GRB14: variants seen among roughly 807,000 people sequenced by gnomAD.
GRB14 encodes the protein growth factor receptor-bound protein 14.
GRB14 carries 38 observed loss-of-function variants against 69.1 expected under a neutral mutation model. That is an observed-to-expected ratio of 0.55 (90% CI 0.42 to 0.72). The LOEUF (loss-of-function observed/expected upper bound fraction) is 0.72, where lower values mean the gene tolerates loss of function less well. Ranked by LOEUF, GRB14 falls within the 30% of genes least tolerant of loss-of-function variation. The pLI is 0.00. For synonymous variants in GRB14, 247 were observed against 241.3 expected (o/e 1.02, Z -0.22); for missense variants, 666 against 666.1 (o/e 1.00, Z 0.00).
In GRB14 at chr2:164,519,694, A is replaced by G. The variant is rs1199333970; in HGVS notation, c.816+2286T>C. Among the ~76,000 whole-genome samples, 6 of 152,276 alleles carry G rather than the reference A, an allele frequency of 3.9e-5. No homozygotes were observed. The East Asian group carries it at 7.7e-4, about 20-fold the overall frequency. ...ACAAAATTAACATACAGAAATAAAT[A>G]GCTCTGTTATACACCAATAGTGACC... On this transcript the variant is annotated intron_variant, in intron 6 of 13. Transcript: ENST00000263915.
At chr2:164,536,701 A>G (rs1688087989) in intron 3 of GRB14, among the ~76,000 whole-genome samples, 1 of 152,252 alleles carries the variant, frequency 6.6e-6, no homozygotes, top group Non-Finnish European at 1.5e-5. Flanking sequence ...GAATAAAAGC[A>G]TGATCAAAAG....
At chr2:164,521,685 A>C (rs1687637632) in intron 6 of GRB14, among the ~76,000 whole-genome samples, 1 of 152,120 alleles carries the variant, frequency 6.6e-6, no homozygotes, top group Non-Finnish European at 1.5e-5. Context: ...ATCAGGCTTC[A>C]AACTCTGAAG....
At chr2:164,506,895 T>C (rs561310239) in intron 8 of GRB14, among the ~76,000 whole-genome samples, 51 of 152,290 alleles carry the variant, frequency 3.3e-4, no homozygotes, top group African/African-American at 1.2e-3. Flanking sequence ...TACTGTATGA[T>C]TCCATTTATA....
chr2:164,534,003 G>T (rs1052999331), intron 3 of GRB14, among the ~76,000 whole-genome samples: 8 of 152,002 alleles, frequency 5.3e-5, no homozygotes, highest in Admixed American at 3.3e-4. Context: ...AAATAATCTG[G>T]TAATCTTAAG....
At chr2:164,522,988 C>T (rs1687673139) in intron 5 of GRB14, among the ~76,000 whole-genome samples, 1 of 152,064 alleles carries the variant, frequency 6.6e-6, no homozygotes, top group Non-Finnish European at 1.5e-5. Context: ...ACTCTGAGAC[C>T]ATCACAGGTA....
chr2:164,495,561 C>G (rs1686870510), intron 12 of GRB14, among the ~76,000 whole-genome samples: 1 of 152,150 alleles, frequency 6.6e-6, no homozygotes, highest in African/African-American at 2.4e-5. Context: ...AATGCAAAAC[C>G]AGTTTTGTAT....
intron 2 of GRB14, among the ~76,000 whole-genome samples, chr2:164,552,617 A>G (rs1012319176): frequency 6.6e-6 from 1 of 152,156 alleles, no homozygotes. Context: ...TCATATGAAA[A>G]AGGTCATAAA....
At chr2:164,584,424 C>T (rs1270352208) in intron 2 of GRB14, among the ~76,000 whole-genome samples, 1 of 151,832 alleles carries the variant, frequency 6.6e-6, no homozygotes, top group Non-Finnish European at 1.5e-5. Flanking sequence ...ATCTTCCTAT[C>T]TGCAAAATGA....
At chr2:164,578,779 T>C (rs753728766) in intron 2 of GRB14, among the ~76,000 whole-genome samples, 1 of 152,218 alleles carries the variant, frequency 6.6e-6, no homozygotes, top group Non-Finnish European at 1.5e-5. Context: ...TGTAAAAATC[T>C]TGAGAAGCCA....
intron 6 of GRB14, among the ~76,000 whole-genome samples, chr2:164,515,002 T>C (rs1410983443): frequency 2.0e-5 from 3 of 152,070 alleles, no homozygotes; most frequent in Non-Finnish European, 2.9e-5. Flanking sequence ...CCTGGGAACA[T>C]AACTCCATTG....
In GRB14 at chr2:164,535,071, T is replaced by C. The variant is rs1218336407; in HGVS notation, c.482-7936A>G. Reference sequence around the variant, plus strand: ...AAAATAGGAGGGAAGCCCTCTTAAATTACTTCAACATAGCAATCAAGAAGA... The same window carrying C: ...AAAATAGGAGGGAAGCCCTCTTAAACTACTTCAACATAGCAATCAAGAAGA... On this transcript the variant is annotated intron_variant, in intron 3 of 13. Coordinates refer to ENST00000263915, the MANE Select transcript of GRB14 (RefSeq NM_004490.3). Among the ~76,000 whole-genome samples, 4 of 152,114 alleles carry C rather than the reference T, an allele frequency of 2.6e-5. No individual in the cohort carries two copies. The East Asian group carries it at 7.7e-4, about 29-fold the overall frequency.
intron 3 of GRB14, chr2:164,539,656 A>C (rs1179351968): frequency 6.6e-6 from 1 of 152,174 alleles, no homozygotes; most frequent in East Asian, 1.9e-4. Flanking sequence ...ATGTATTCAC[A>C]ACTCGGAATG....
At chr2:164,529,738 T>A (rs577542593) in intron 3 of GRB14, among the ~76,000 whole-genome samples, 2 of 152,170 alleles carry the variant, frequency 1.3e-5, no homozygotes, top group Non-Finnish European at 2.9e-5. Flanking sequence ...GCCTCTACTT[T>A]CTCATTCTTC....
At chr2:164,590,950 T>C (rs1574338470) in intron 2 of GRB14, among the ~76,000 whole-genome samples, 2 of 152,340 alleles carry the variant, frequency 1.3e-5, no homozygotes, top group African/African-American at 4.8e-5. Context: ...AATACTTGGC[T>C]GCAATCCTAA....
chr2:164,527,047 A>AT lies in GRB14; in HGVS notation c.569dup (p.Asn190LysfsTer6). 1 of 1,598,830 alleles carries AT rather than the reference A, an allele frequency of 6.3e-7. No homozygotes were observed. Among genetic ancestry groups the AT allele is most frequent in the Non-Finnish European group, 8.6e-7 (1 of 1,168,846 alleles). On this transcript the variant is annotated frameshift_variant, in exon 4 of 14. Coordinates refer to ENST00000263915, the MANE Select transcript of GRB14 (RefSeq NM_004490.3). LOFTEE classifies it high-confidence loss of function. ...TTTTAAAGAACTCATATTTGGCATAATTTTTTCTAAAGTATAGTTTGTTTT... is the reference window on the plus strand; with the variant it reads ...TTTTAAAGAACTCATATTTGGCATAATTTTTTTCTAAAGTATAGTTTGTTTT...
At chr2:164,504,558 C>T (rs1426440639) in intron 8 of GRB14, among the ~76,000 whole-genome samples, 1 of 152,088 alleles carries the variant, frequency 6.6e-6, no homozygotes, top group African/African-American at 2.4e-5. Context: ...GGGTATTTTA[C>T]AGTGTAAAAG....
chr2:164,598,754 C>T (rs1205063693), intron 2 of GRB14, among the ~76,000 whole-genome samples: 1 of 152,152 alleles, frequency 6.6e-6, no homozygotes, highest in Admixed American at 6.5e-5. Flanking sequence ...TCTAGATGAC[C>T]TTGAGCATGC....
chr2:164,563,852 A>C (rs1688895324), intron 2 of GRB14, among the ~76,000 whole-genome samples: 1 of 152,244 alleles, frequency 6.6e-6, no homozygotes, highest in Non-Finnish European at 1.5e-5. Context: ...ACCAAAAATC[A>C]AAAGACAACT....
chr2:164,508,121 T>G (rs1377131378), intron 8 of GRB14, among the ~76,000 whole-genome samples: 2 of 152,246 alleles, frequency 1.3e-5, no homozygotes, highest in Non-Finnish European at 2.9e-5. Context: ...CCTTGGATTG[T>G]TGGCAACGTT....
Sources: allele counts gnomAD v4.1 joint callset (sites outside exome capture counted in the v4.1 genomes callset), GRCh38; gene constraint gnomAD v4.1.1; transcripts MANE v1.5; gene names NCBI Gene and HGNC (gene_info 2026-07-23, HGNC 2026-07-21).